Variants in ALDH6A1 observed in about 807,000 individuals in gnomAD.
ALDH6A1 encodes the protein aldehyde dehydrogenase 6 family member A1.
In ALDH6A1, 43 loss-of-function variants were observed where a neutral mutation model predicts 62.6. The observed-to-expected ratio is 0.69, with a 90% CI of 0.54 to 0.89. The LOEUF (loss-of-function observed/expected upper bound fraction) is 0.89, where lower values mean the gene tolerates loss of function less well. ALDH6A1 is among the 40% of genes least tolerant of loss of function. The pLI is 0.00. For missense variants in ALDH6A1, 551 were observed against 661.3 expected (o/e 0.83, Z 1.83); for synonymous variants, 194 against 234.2 (o/e 0.83, Z 1.57).
At chr14:74,067,926 AAAAC>A (rs752386085) in intron 7 of ALDH6A1, among the ~76,000 whole-genome samples, 12 of 152,008 alleles carry the variant, frequency 7.9e-5, no homozygotes, top group Admixed American at 1.3e-4. Flanking sequence ...CCCCTGTCTC[AAAAC>A]AAACAAACAA....
Position 74,058,400 on chromosome 14 carries a change from C to G in ALDH6A1, c.*2242G>C, listed in dbSNP as rs1262256212. ...GTGATAAGAGCTAAAACAAGGGGTA[C>G]TGTAGTCTCAAATTATAAATTTCTA... On this transcript the variant is annotated 3_prime_UTR_variant, in exon 12 of 12. Coordinates refer to ENST00000553458, the MANE Select transcript of ALDH6A1 (RefSeq NM_005589.4). 2.1e-5 allele frequency: 3 copies of G among 146,138 alleles called. No individual in the cohort carries two copies. The highest frequency in any genetic ancestry group is 3.0e-5 in the Non-Finnish European group (2 of 67,250). The allele number at this position is 146,138 out of a possible 1,614,324, so 9.1% of individuals were successfully genotyped here.
intron 6 of ALDH6A1, chr14:74,070,580 T>C (rs766627066): frequency 6.4e-6 from 1 of 155,398 alleles, no homozygotes; most frequent in African/African-American, 2.4e-5. Flanking sequence ...CAGACACTAT[T>C]GTGTTCTCAT....
At chr14:74,081,260 A>T (rs2060665097) in intron 1 of ALDH6A1, 2 of 152,192 alleles carry the variant, frequency 1.3e-5, no homozygotes, top group South Asian at 4.1e-4. Flanking sequence ...CCCCTAGCAC[A>T]ATTCCTGGAA....
At chr14:74,068,685 G>A (rs1179418361) in intron 7 of ALDH6A1, among the ~76,000 whole-genome samples, 175 bp downstream of exon 7, 2 of 152,170 alleles carry the variant, frequency 1.3e-5, no homozygotes, top group Non-Finnish European at 2.9e-5. Flanking sequence ...AGAGGTTGCA[G>A]TGAGCCGAGA....
At chr14:74,074,311 G>A (rs71429035) in intron 2 of ALDH6A1, among the ~76,000 whole-genome samples, 16,330 of 137,834 alleles carry the variant, frequency 0.12, 1,188 homozygotes, top group Admixed American at 0.21. Context: ...TTTTTGAAAC[G>A]GAGTCTCGCT....
intron 2 of ALDH6A1, among the ~76,000 whole-genome samples, chr14:74,074,559 C>T (rs2139801174): frequency 6.6e-6 from 1 of 152,192 alleles, no homozygotes; most frequent in Non-Finnish European, 1.5e-5. Flanking sequence ...TGCTGGGACA[C>T]TAAATTTTTA....
chr14:74,071,451 C>G lies in ALDH6A1; in HGVS notation c.474G>C (p.Glu158Asp), dbSNP rs764348544. Residue 158 changes from glutamate to aspartate, a missense_variant, in exon 6 of 12, where the codon GAG becomes GAC. Transcript: ENST00000553458. ...ACSVTSLMMG[E>D]TMPSITKDMD... Reference sequence around the variant, plus strand: ...TGTCTTTGGTGATGGATGGCATGGTCTCTCCCATCATGAGGGATGTCACAC... The same window carrying G: ...TGTCTTTGGTGATGGATGGCATGGTGTCTCCCATCATGAGGGATGTCACAC... 2 of 1,614,018 alleles carry G rather than the reference C, an allele frequency of 1.2e-6. No homozygotes were observed. The highest frequency in any genetic ancestry group is 2.7e-5 in the African/African-American group (2 of 74,902).
chr14:74,071,137 TCAA>T (rs987485310), intron 6 of ALDH6A1, 55 bp downstream of exon 6: 2 of 1,506,620 alleles, frequency 1.3e-6, no homozygotes, highest in Admixed American at 3.3e-5. Context: ...CAACCATCAC[TCAA>T]CACCTTGATT....
intron 10 of ALDH6A1, 117 bp from the exon 11 acceptor site, chr14:74,065,037 T>G: frequency 7.3e-7 from 1 of 1,373,978 alleles, no homozygotes; most frequent in Non-Finnish European, 1.0e-6. Context: ...CTCTACCCCA[T>G]GAACTTTCAT....
chr14:74,061,481 A>G (rs2060340547), intron 11 of ALDH6A1, among the ~76,000 whole-genome samples: 1 of 151,776 alleles, frequency 6.6e-6, no homozygotes, highest in African/African-American at 2.4e-5. Flanking sequence ...TTGTATTTTT[A>G]GTAGAGAAGG....
chr14:74,084,440 G>C lies in ALDH6A1; in HGVS notation c.-46C>G. 1 of 1,608,362 alleles carries C rather than the reference G, an allele frequency of 6.2e-7. No individual in the cohort carries two copies. Among genetic ancestry groups the C allele is most frequent in the South Asian group, 1.1e-5 (1 of 90,330 alleles). On this transcript the variant is annotated 5_prime_UTR_variant, in exon 1 of 12. Transcript: ENST00000553458. ...CCGCACCCCGCGCCTCTACTGCCCA[G>C]AAGCACTACAGCTGCCAGGCCTCGC... is the stretch of plus-strand genomic sequence containing the variant.
At position 74,071,987 on chromosome 14, in the gene ALDH6A1, C is replaced by T. The variant is rs45510700; in HGVS notation, c.349-13G>A. The T allele has an allele frequency of 3.1e-3, 5,024 of 1,612,014 alleles. 126 individuals are homozygous for T. The African/African-American group carries it at 0.056, about 18-fold the overall frequency. The stretch of plus-strand genomic sequence containing the variant: ...TGGCAATTTCTTTCTAGAGAGAAGA[C>T]ACACAAATAGAAATTAATGCAAGAA... On this transcript the variant is annotated splice_polypyrimidine_tract_variant and intron_variant, in intron 4 of 11. Coordinates refer to ENST00000553458, the MANE Select transcript of ALDH6A1 (RefSeq NM_005589.4).
In ALDH6A1 at chr14:74,057,611, C is replaced by A; in HGVS notation, c.*3031G>T. 7.5e-7 allele frequency: 1 copy of A among 1,338,738 alleles called. No individual in the cohort carries two copies. Among genetic ancestry groups the A allele is most frequent in the South Asian group, 1.3e-5 (1 of 79,316 alleles). The allele number at this position is 1,338,738 out of a possible 1,614,324, so 82.9% of individuals were successfully genotyped here. On this transcript the variant is annotated 3_prime_UTR_variant, in exon 12 of 12. Transcript: ENST00000553458. Reference sequence around the variant, plus strand: ...GGTGGGAAGTCAGAGTCATTACAACCTAGAGGACAAAGGCTTATAAGGAGA... The same window carrying A: ...GGTGGGAAGTCAGAGTCATTACAACATAGAGGACAAAGGCTTATAAGGAGA...
At chr14:74,076,464 C>T (rs749549485) in intron 1 of ALDH6A1, among the ~76,000 whole-genome samples, 7 of 152,104 alleles carry the variant, frequency 4.6e-5, no homozygotes, top group Non-Finnish European at 8.8e-5. Context: ...CGTGTTCAAG[C>T]GATTCTCCTG....
At chr14:74,074,374 C>T (rs1566835053) in intron 2 of ALDH6A1, among the ~76,000 whole-genome samples, 1 of 151,626 alleles carries the variant, frequency 6.6e-6, no homozygotes, top group South Asian at 2.1e-4. Context: ...GCAACCTCCG[C>T]CTCCCGAATT....
intron 11 of ALDH6A1, among the ~76,000 whole-genome samples, chr14:74,063,578 T>C (rs1202517114): frequency 6.6e-6 from 1 of 151,914 alleles, no homozygotes; most frequent in Non-Finnish European, 1.5e-5. Context: ...ATAAAGAAGG[T>C]ATCCTGGTTG....
chr14:74,068,924 T>C lies in ALDH6A1; in HGVS notation c.788A>G (p.Asn263Ser), dbSNP rs983066995. The C allele has an allele frequency of 3.1e-6, 5 of 1,614,066 alleles. No individual in the cohort carries two copies. The highest frequency in any genetic ancestry group is 1.7e-5 in the Admixed American group (1 of 60,006). The change falls in exon 7 of 12, where the codon AAC becomes AGC. Residue 263 changes from asparagine to serine, a missense_variant. Asn to Ser is a conservative substitution (Grantham distance 46). Coordinates refer to ENST00000553458, the MANE Select transcript of ALDH6A1 (RefSeq NM_005589.4). Reference protein sequence around the residue: ...DIKAISFVGSNKAGEYIFERG... With the variant: ...DIKAISFVGSSKAGEYIFERG... ...CTCGAAGATATACTCTCCTGCCTTG[T>C]TGGATCCCACAAAGCTGATTGCTTT... is the stretch of plus-strand genomic sequence containing the variant.
intron 1 of ALDH6A1, 151 bp downstream of exon 1, chr14:74,084,196 G>T (rs1347209274): frequency 2.6e-5 from 31 of 1,178,468 alleles, no homozygotes; most frequent in African/African-American, 4.5e-5. Context: ...AGTGAGGGCT[G>T]GGCATGGGAC....
intron 11 of ALDH6A1, among the ~76,000 whole-genome samples, chr14:74,064,311 A>T (rs989326091): frequency 2.2e-5 from 3 of 139,398 alleles, no homozygotes; most frequent in South Asian, 2.3e-4. Context: ...AAAAAAAAAA[A>T]TAATAATAAT....
Sources: allele counts gnomAD v4.1 joint callset (sites outside exome capture counted in the v4.1 genomes callset), GRCh38; gene constraint gnomAD v4.1.1; transcripts MANE v1.5; gene names NCBI Gene and HGNC (gene_info 2026-07-23, HGNC 2026-07-21).